Variants in BBS9 observed in about 807,000 individuals in gnomAD.
BBS9 encodes the protein protein PTHB1.
A neutral mutation model predicts 117.7 loss-of-function variants in BBS9; 89 were observed. The ratio of observed to expected loss-of-function variants is 0.76; its 90% CI spans 0.64 to 0.90. BBS9 has a LOEUF of 0.90. Ranked by LOEUF, BBS9 falls within the 40% of genes least tolerant of loss-of-function variation. The pLI is 0.00. For synonymous variants in BBS9, 379 were observed against 370.9 expected (o/e 1.02, Z -0.25); for missense variants, 982 against 1,042.2 (o/e 0.94, Z 0.80).
At chr7:33,626,686 A>G (rs555428396) in intron 21 of BBS9, among the ~76,000 whole-genome samples, 1 of 152,312 alleles carries the variant, frequency 6.6e-6, no homozygotes, top group Non-Finnish European at 1.5e-5. Context: ...GGAGGTTGTT[A>G]GGCATTAGCA....
intron 7 of BBS9, among the ~76,000 whole-genome samples, chr7:33,266,634 T>A (rs1798870675): frequency 6.6e-6 from 1 of 152,152 alleles, no homozygotes; most frequent in African/African-American, 2.4e-5. Flanking sequence ...CCTTATTAGT[T>A]TTTTTACTAG....
chr7:33,314,337 A>G, intron 9 of BBS9: 1 of 404,692 alleles, frequency 2.5e-6, no homozygotes, highest in Non-Finnish European at 4.8e-6. Flanking sequence ...TTGGGAGAGG[A>G]TATATCTGAA....
intron 21 of BBS9, among the ~76,000 whole-genome samples, chr7:33,631,005 A>G (rs987372131): frequency 6.6e-6 from 1 of 152,150 alleles, no homozygotes; most frequent in Admixed American, 6.5e-5. Flanking sequence ...CAAAATGACC[A>G]TTCTGAGGAG....
chr7:33,488,742 T>A (rs776926765), intron 19 of BBS9, among the ~76,000 whole-genome samples: 1 of 152,166 alleles, frequency 6.6e-6, no homozygotes, highest in African/African-American at 2.4e-5. Context: ...GACCATAGTG[T>A]GATATAGTAA....
At chr7:33,542,013 T>TTTTA (rs1294230713) in intron 21 of BBS9, among the ~76,000 whole-genome samples, 1 of 152,192 alleles carries the variant, frequency 6.6e-6, no homozygotes, top group Admixed American at 6.6e-5. Context: ...AAAATTCAGG[T>TTTTA]GAACTAAAAG....
At chr7:33,457,241 T>A (rs993205985) in intron 19 of BBS9, among the ~76,000 whole-genome samples, 1 of 152,186 alleles carries the variant, frequency 6.6e-6, no homozygotes, top group African/African-American at 2.4e-5. Flanking sequence ...CTTATAATAC[T>A]GTGTGTTATT....
chr7:33,177,799 G>A, intron 5 of BBS9: 1 of 555,634 alleles, frequency 1.8e-6, no homozygotes. Flanking sequence ...AGCTAATCAG[G>A]GTCAGGCCTG....
intron 9 of BBS9, among the ~76,000 whole-genome samples, chr7:33,331,715 A>G (rs1814102623): frequency 6.6e-6 from 1 of 151,540 alleles, no homozygotes; most frequent in African/African-American, 2.4e-5. Flanking sequence ...AACCACCACC[A>G]ACAAAAAATC....
intron 4 of BBS9, among the ~76,000 whole-genome samples, chr7:33,160,671 T>C (rs139250204): frequency 2.3e-4 from 35 of 152,310 alleles, no homozygotes; most frequent in African/African-American, 8.4e-4. Context: ...CCAATGGGTG[T>C]ACAGTTCCAA....
rs763790518 is a variant in BBS9, at chr7:33,388,128, A to G, written c.2099A>G (p.Asp700Gly). Residue 700 changes from aspartate (D) to glycine (G), a missense_variant, in exon 19 of 23, where the codon GAT becomes GGT. Physicochemically the swap from Asp to Gly is moderately conservative, Grantham distance 94. Transcript: ENST00000242067. ...CTTCAACACCTGGACACCTTGTTAGATGGAACCTACAAGCAGGTCAGTATA... is the reference window on the plus strand; with the variant it reads ...CTTCAACACCTGGACACCTTGTTAGGTGGAACCTACAAGCAGGTCAGTATA... ...APLQHLDTLLDGTYKQVIALA... is the reference protein window; with the variant it reads ...APLQHLDTLLGGTYKQVIALA... 5 of 1,614,146 alleles carry G rather than the reference A, an allele frequency of 3.1e-6. No individual in the cohort carries two copies. Among genetic ancestry groups the G allele is most frequent in the Admixed American group, 3.3e-5 (2 of 60,028 alleles).
intron 21 of BBS9, among the ~76,000 whole-genome samples, chr7:33,590,139 C>T (rs1454669445): frequency 6.6e-6 from 1 of 152,040 alleles, no homozygotes; most frequent in Non-Finnish European, 1.5e-5. Flanking sequence ...TTGATGGAAC[C>T]ATGTGAAGAT....
chr7:33,510,820 T>C (rs935603160), intron 20 of BBS9, among the ~76,000 whole-genome samples: 13 of 152,190 alleles, frequency 8.5e-5, no homozygotes, highest in African/African-American at 3.1e-4. Flanking sequence ...GCACTATCAG[T>C]CGTCAAGAGA....
At chr7:33,617,577 A>G (rs1357282342) in intron 21 of BBS9, among the ~76,000 whole-genome samples, 2 of 151,922 alleles carry the variant, frequency 1.3e-5, no homozygotes, top group East Asian at 3.9e-4. Flanking sequence ...TGAGTGCCTG[A>G]GAAATAATTC....
intron 9 of BBS9, among the ~76,000 whole-genome samples, chr7:33,299,032 G>T (rs1285288700): frequency 6.6e-6 from 1 of 152,148 alleles, no homozygotes; most frequent in Non-Finnish European, 1.5e-5. Flanking sequence ...TTGGAAGATG[G>T]TTATCTGTTT....
At chr7:33,269,395 C>T (rs1799371477) in intron 7 of BBS9, among the ~76,000 whole-genome samples, 1 of 152,176 alleles carries the variant, frequency 6.6e-6, no homozygotes, top group East Asian at 1.9e-4. Flanking sequence ...CTTGGGTCCA[C>T]AGCTCTCCCA....
chr7:33,301,027 A>G (rs1806295956), intron 9 of BBS9, among the ~76,000 whole-genome samples: 1 of 152,040 alleles, frequency 6.6e-6, no homozygotes, highest in Non-Finnish European at 1.5e-5. Context: ...TATTATTGAG[A>G]AGTTAGCTAT....
chr7:33,178,942 G>A (rs1167196264), intron 5 of BBS9, among the ~76,000 whole-genome samples: 1 of 152,192 alleles, frequency 6.6e-6, no homozygotes, highest in Non-Finnish European at 1.5e-5. Flanking sequence ...GACTGCTTGA[G>A]TAACAGGAAT....
At chr7:33,267,189 T>G (rs2128332608) in intron 7 of BBS9, among the ~76,000 whole-genome samples, 1 of 152,320 alleles carries the variant, frequency 6.6e-6, no homozygotes, top group East Asian at 1.9e-4. Flanking sequence ...TTTGATAATC[T>G]TCTTTTTTCT....
chr7:33,507,363 C>T (rs192320513), intron 20 of BBS9, among the ~76,000 whole-genome samples: 39 of 152,266 alleles, frequency 2.6e-4, no homozygotes, highest in Non-Finnish European at 4.1e-4. Context: ...GCCTCAGCCT[C>T]CAGAGTAGCT....
Sources: gnomAD v4.1 joint callset for allele counts (sites outside exome capture counted in the v4.1 genomes callset) on GRCh38, gnomAD v4.1.1 for gene constraint, MANE v1.5 for transcripts, NCBI Gene and HGNC (gene_info 2026-07-23, HGNC 2026-07-21) for gene names.